Variants in SNTG1 observed in about 807,000 individuals in gnomAD.
SNTG1 encodes the protein gamma-1-syntrophin.
SNTG1 carries 39 observed loss-of-function variants against 74.7 expected under a neutral mutation model. The ratio of observed to expected loss-of-function variants is 0.52; its 90% CI spans 0.40 to 0.68. SNTG1 has a LOEUF of 0.68. SNTG1 is among the 30% of genes least tolerant of loss of function. The pLI is 0.00. For missense variants in SNTG1, 685 were observed against 609.5 expected (o/e 1.12, Z -1.30); for synonymous variants, 254 against 217.1 (o/e 1.17, Z -1.49).
chr8:50,518,593 T>C (rs1346326739), intron 9 of SNTG1, among the ~76,000 whole-genome samples: 3 of 152,004 alleles, frequency 2.0e-5, no homozygotes, highest in Non-Finnish European at 4.4e-5. Flanking sequence ...AAGAATCAAA[T>C]AGACACAGTA....
intron 1 of SNTG1, among the ~76,000 whole-genome samples, chr8:49,968,059 C>A (rs1376660829): frequency 6.6e-6 from 1 of 151,570 alleles, no homozygotes; most frequent in Non-Finnish European, 1.5e-5. Context: ...TTACTCTATA[C>A]CTGGTGAACA....
At chr8:50,006,097 G>C (rs1391688173) in intron 1 of SNTG1, among the ~76,000 whole-genome samples, 1 of 151,084 alleles carries the variant, frequency 6.6e-6, no homozygotes, top group Non-Finnish European at 1.5e-5. Context: ...AAAGTAGCTG[G>C]GATTACAGGT....
intron 17 of SNTG1, among the ~76,000 whole-genome samples, chr8:50,717,777 G>A (rs1187966371): frequency 6.6e-6 from 1 of 152,208 alleles, no homozygotes; most frequent in African/African-American, 2.4e-5. Context: ...TGTGTGAAGT[G>A]TTTTGCACAG....
intron 14 of SNTG1, among the ~76,000 whole-genome samples, chr8:50,658,198 T>A (rs1404678680): frequency 6.6e-6 from 1 of 152,142 alleles, no homozygotes; most frequent in Non-Finnish European, 1.5e-5. Context: ...ATAAATGATG[T>A]ATATTTAAAA....
At position 50,722,238 on chromosome 8, in the gene SNTG1, G is replaced by A. The variant is rs545896743; in HGVS notation, c.1284+13260G>A. Reference sequence around the variant, plus strand: ...CACCCAGGCTGGAGTGCAGTGGTGCGATCTCAGCTCACTGCAACATCCACC... The same window carrying A: ...CACCCAGGCTGGAGTGCAGTGGTGCAATCTCAGCTCACTGCAACATCCACC... On this transcript the variant is annotated intron_variant, in intron 17 of 18. Transcript: ENST00000642720. 1.4e-4 allele frequency among the ~76,000 whole-genome samples: 21 copies of A among 151,846 alleles called. No individual in the cohort carries two copies. The South Asian group carries it at 3.3e-3, about 24-fold the overall frequency.
At position 50,523,150 on chromosome 8, in the gene SNTG1, A is replaced by G. The variant is rs566356044; in HGVS notation, c.467-7027A>G. On this transcript the variant is annotated intron_variant, in intron 9 of 18. Transcript: ENST00000642720. Reference sequence around the variant, plus strand: ...TTCCTCACCTCTCAGCCTTTATAGAATTGAAGAGAGTTAGTATCTTGCCCT... The same window carrying G: ...TTCCTCACCTCTCAGCCTTTATAGAGTTGAAGAGAGTTAGTATCTTGCCCT... Among the ~76,000 whole-genome samples the G allele has an allele frequency of 2.0e-5, 3 of 152,258 alleles. No individual in the cohort carries two copies. In the East Asian group the frequency reaches 5.8e-4, roughly 29 times the overall value.
intron 1 of SNTG1, among the ~76,000 whole-genome samples, chr8:49,955,199 T>C (rs1183070867): frequency 6.6e-6 from 1 of 152,254 alleles, no homozygotes; most frequent in Non-Finnish European, 1.5e-5. Context: ...CAATATACAT[T>C]CAGTTATCTC....
chr8:49,972,683 C>A (rs1235733455), intron 1 of SNTG1, among the ~76,000 whole-genome samples: 1 of 150,346 alleles, frequency 6.7e-6, no homozygotes, highest in Non-Finnish European at 1.5e-5. Flanking sequence ...AAAAAAACAA[C>A]CCCATCAACA....
At chr8:50,692,893 C>A (rs1404758574) in intron 15 of SNTG1, among the ~76,000 whole-genome samples, 1 of 152,238 alleles carries the variant, frequency 6.6e-6, no homozygotes, top group Non-Finnish European at 1.5e-5. Flanking sequence ...CTGTGGTAGG[C>A]TCCACCCAGT....
At chr8:50,591,067 T>A in intron 13 of SNTG1, 150 bp downstream of exon 13, 1 of 479,572 alleles carries the variant, frequency 2.1e-6, no homozygotes, top group South Asian at 4.9e-5. Flanking sequence ...GATATCTCCT[T>A]CATATTATGT....
intron 1 of SNTG1, among the ~76,000 whole-genome samples, chr8:50,086,568 T>A (rs1473892164): frequency 6.6e-6 from 1 of 151,960 alleles, no homozygotes; most frequent in Non-Finnish European, 1.5e-5. Flanking sequence ...TTTATAGAGA[T>A]AGGAAATACC....
At chr8:50,224,588 AT>A (rs1186570005) in intron 2 of SNTG1, among the ~76,000 whole-genome samples, 1 of 152,148 alleles carries the variant, frequency 6.6e-6, no homozygotes, top group African/African-American at 2.4e-5. Context: ...CAAAAGTAAA[AT>A]TCTAAGCACC....
intron 2 of SNTG1, among the ~76,000 whole-genome samples, chr8:50,343,421 A>T (rs2091378731): frequency 6.6e-6 from 1 of 152,234 alleles, no homozygotes; most frequent in Non-Finnish European, 1.5e-5. Flanking sequence ...TTTCTGTAAG[A>T]ACAATCAGTT....
chr8:50,536,926 GA>G, intron 11 of SNTG1, 118 bp downstream of exon 11: 1 of 1,241,370 alleles, frequency 8.1e-7, no homozygotes, highest in South Asian at 1.7e-5. Context: ...ATAGTAGAAA[GA>G]AGAGCTTCAA....
intron 9 of SNTG1, among the ~76,000 whole-genome samples, chr8:50,508,865 T>A (rs1406906641): frequency 6.6e-6 from 1 of 152,212 alleles, no homozygotes; most frequent in Non-Finnish European, 1.5e-5. Flanking sequence ...TCCCCTTCTG[T>A]AGGCTGCCTG....
At position 50,792,934 on chromosome 8, in the gene SNTG1, G is replaced by C; in HGVS notation, c.*105G>C. 1 of 1,301,738 alleles carries C rather than the reference G, an allele frequency of 7.7e-7. No homozygotes were observed. Among genetic ancestry groups the C allele is most frequent in the Non-Finnish European group, 1.0e-6 (1 of 979,930 alleles). 80.6% of individuals were successfully genotyped at this position (1,301,738 alleles called of 1,614,324 possible). On this transcript the variant is annotated 3_prime_UTR_variant, in exon 19 of 19. Coordinates refer to ENST00000642720, the MANE Select transcript of SNTG1 (RefSeq NM_018967.5). ...CCATAACATCACCAAGTCGACAGTG[G>C]AGGCAAATCAAAATTTCGGCAGAAA...
chr8:50,133,140 C>A (rs544048421), intron 1 of SNTG1, among the ~76,000 whole-genome samples: 1 of 152,238 alleles, frequency 6.6e-6, no homozygotes, highest in South Asian at 2.1e-4. Context: ...TTGGAAATAA[C>A]CTCAGCTAAA....
intron 2 of SNTG1, among the ~76,000 whole-genome samples, chr8:50,232,215 A>C (rs757267975): frequency 5.9e-5 from 9 of 151,448 alleles, no homozygotes; most frequent in Non-Finnish European, 1.3e-4. Context: ...AAATTTTGTA[A>C]AGTAGAATTA....
intron 1 of SNTG1, among the ~76,000 whole-genome samples, chr8:49,955,833 T>A (rs1404554301): frequency 6.6e-6 from 1 of 152,216 alleles, no homozygotes; most frequent in East Asian, 1.9e-4. Context: ...TGGAGATTAA[T>A]ATCATTTATA....
Sources: allele counts gnomAD v4.1 joint callset (sites outside exome capture counted in the v4.1 genomes callset), GRCh38; gene constraint gnomAD v4.1.1; transcripts MANE v1.5; gene names NCBI Gene and HGNC (gene_info 2026-07-23, HGNC 2026-07-21).